STK32B: variants seen among roughly 807,000 people sequenced by gnomAD.
The protein encoded by STK32B is serine/threonine-protein kinase 32B.
Under a neutral mutation model 52.6 loss-of-function variants are expected in STK32B, and 43 were observed. That is an observed-to-expected ratio of 0.82 (90% confidence interval 0.64 to 1.05). The LOEUF is 1.05. STK32B is among the 50% of genes least tolerant of loss of function. The pLI, the probability that STK32B is intolerant of heterozygous loss-of-function variation, is 0.00. For missense variants in STK32B, 621 were observed against 534.6 expected (o/e 1.16, Z -1.59); for synonymous variants, 238 against 204.3 (o/e 1.17, Z -1.41).
chr4:5,367,603 C>G (rs1236905671), intron 4 of STK32B, among the ~76,000 whole-genome samples: 2 of 152,226 alleles, frequency 1.3e-5, no homozygotes, highest in Admixed American at 6.5e-5. Flanking sequence ...TGATATCAAC[C>G]CAGTCAAGCC....
intron 3 of STK32B, among the ~76,000 whole-genome samples, chr4:5,320,774 A>G (rs1001124371): frequency 2.1e-4 from 32 of 152,348 alleles, no homozygotes; most frequent in African/African-American, 7.5e-4. Flanking sequence ...CACTTGACAT[A>G]TTAGCAGATG....
chr4:5,215,629 T>A (rs756270538), intron 3 of STK32B, among the ~76,000 whole-genome samples: 2 of 152,192 alleles, frequency 1.3e-5, no homozygotes, highest in Non-Finnish European at 2.9e-5. Context: ...GCTTGGCTTC[T>A]GCTGGGACGA....
At chr4:5,191,401 C>G (rs1041737778) in intron 3 of STK32B, among the ~76,000 whole-genome samples, 1 of 152,130 alleles carries the variant, frequency 6.6e-6, no homozygotes, top group African/African-American at 2.4e-5. Flanking sequence ...CAGGCGCACA[C>G]CACCACGCCT....
rs550964946 is a variant in STK32B, at chr4:5,220,104, A to G, written c.260+51654A>G. Among the ~76,000 whole-genome samples, 515 of 152,264 alleles carry G rather than the reference A, an allele frequency of 3.4e-3. 4 individuals are homozygous for G. The highest frequency in any genetic ancestry group is 0.012 in the African/African-American group (485 of 41,566). ...AAGACTGCAAACTCCAGTCTAAAGG[A>G]TTTGAGGGATCCCTAATGTAAGTTT... is the stretch of plus-strand genomic sequence containing the variant. On this transcript the variant is annotated intron_variant, in intron 3 of 11. Coordinates refer to ENST00000282908, the MANE Select transcript of STK32B (RefSeq NM_018401.3).
At chr4:5,179,418 T>C (rs1318724334) in intron 3 of STK32B, among the ~76,000 whole-genome samples, 2 of 152,218 alleles carry the variant, frequency 1.3e-5, no homozygotes, top group Non-Finnish European at 2.9e-5. Flanking sequence ...CTATCACTTA[T>C]TTATATAGTA....
intron 3 of STK32B, among the ~76,000 whole-genome samples, chr4:5,255,217 G>A (rs938553903): frequency 1.3e-5 from 2 of 152,156 alleles, no homozygotes; most frequent in Admixed American, 6.5e-5. Context: ...AAGGAATCTT[G>A]CCTGCTTGTT....
chr4:5,039,507 C>T, the STK32B span, among the ~76,000 whole-genome samples: 3 of 152,162 alleles, frequency 2.0e-5, no homozygotes, highest in Admixed American at 2.0e-4. Flanking sequence ...GATAACAATG[C>T]CTTCTTCTAG....
intron 4 of STK32B, among the ~76,000 whole-genome samples, chr4:5,371,633 C>T (rs1454218863): frequency 2.0e-5 from 3 of 152,102 alleles, no homozygotes; most frequent in Non-Finnish European, 2.9e-5. Flanking sequence ...CTGTGCTCTG[C>T]GTGCCAAGCA....
At chr4:5,203,324 T>A (rs187530416) in intron 3 of STK32B, among the ~76,000 whole-genome samples, 7 of 152,280 alleles carry the variant, frequency 4.6e-5, no homozygotes, top group African/African-American at 1.4e-4. Context: ...TCATTCATCT[T>A]CTCATTCATT....
intron 4 of STK32B, among the ~76,000 whole-genome samples, chr4:5,355,517 T>C (rs940682335): frequency 4.6e-5 from 7 of 152,340 alleles, no homozygotes; most frequent in African/African-American, 1.4e-4. Context: ...TCAGAACTTA[T>C]GATGAGATTC....
intron 11 of STK32B, among the ~76,000 whole-genome samples, chr4:5,471,835 C>T (rs1237672105): frequency 1.3e-5 from 2 of 152,174 alleles, no homozygotes; most frequent in East Asian, 1.9e-4. Flanking sequence ...GCTCTGACTC[C>T]CTTGCCCTTA....
intron 3 of STK32B, among the ~76,000 whole-genome samples, chr4:5,236,800 T>C (rs140425281): frequency 6.6e-6 from 1 of 152,356 alleles, no homozygotes; most frequent in African/African-American, 2.4e-5. Flanking sequence ...TTTTGAGTTA[T>C]TTCCAGTTGG....
At chr4:5,478,793 G>C (rs1460557826) in intron 11 of STK32B, among the ~76,000 whole-genome samples, 1 of 152,170 alleles carries the variant, frequency 6.6e-6, no homozygotes, top group Admixed American at 6.5e-5. Flanking sequence ...CTCAATCACC[G>C]GGCTGCCTTG....
At chr4:5,487,013 G>A (rs1441585962) in intron 11 of STK32B, among the ~76,000 whole-genome samples, 1 of 152,206 alleles carries the variant, frequency 6.6e-6, no homozygotes, top group Non-Finnish European at 1.5e-5. Context: ...AGTTGGGTAT[G>A]ACAAGAATGA....
chr4:5,103,280 T>C (rs916589159), intron 1 of STK32B, among the ~76,000 whole-genome samples: 1 of 152,082 alleles, frequency 6.6e-6, no homozygotes, highest in East Asian at 1.9e-4. Flanking sequence ...TAAAGCCCCA[T>C]GTTTGCCACA....
chr4:5,336,822 A>G (rs1276532507), intron 4 of STK32B, among the ~76,000 whole-genome samples: 1 of 152,240 alleles, frequency 6.6e-6, no homozygotes, highest in Non-Finnish European at 1.5e-5. Flanking sequence ...CCTGAAATAC[A>G]TGATTTTCTA....
intron 1 of STK32B, among the ~76,000 whole-genome samples, chr4:5,123,810 T>TG (rs569644097): frequency 2.7e-5 from 4 of 150,906 alleles, no homozygotes; most frequent in African/African-American, 9.9e-5. Context: ...ACATGAGTTT[T>TG]GGGGGGATAC....
intron 3 of STK32B, among the ~76,000 whole-genome samples, chr4:5,170,098 A>T (rs1430256370): frequency 3.3e-5 from 5 of 152,116 alleles, no homozygotes; most frequent in South Asian, 4.1e-4. Flanking sequence ...TCGAACCTTC[A>T]TTCTGTCATG....
chr4:5,311,386 T>TA (rs938958204), intron 3 of STK32B, among the ~76,000 whole-genome samples: 2 of 151,714 alleles, frequency 1.3e-5, no homozygotes, highest in Non-Finnish European at 2.9e-5. Context: ...TAATAAAAAT[T>TA]AAAAAGAGCA....
Sources: gnomAD v4.1 joint callset for allele counts (sites outside exome capture counted in the v4.1 genomes callset) on GRCh38, gnomAD v4.1.1 for gene constraint, MANE v1.5 for transcripts, NCBI Gene and HGNC (gene_info 2026-07-23, HGNC 2026-07-21) for gene names.